The following PHACTR1 variants were observed in gnomAD, a reference collection of about 807,000 sequenced individuals.
PHACTR1 encodes phosphatase and actin regulator 1.
In PHACTR1, 16 loss-of-function variants were observed where a neutral mutation model predicts 69.2. The ratio of observed to expected loss-of-function variants is 0.23; its 90% CI spans 0.16 to 0.35. PHACTR1 has a LOEUF of 0.35. Ranked by LOEUF, PHACTR1 falls within the 10% of genes least tolerant of loss-of-function variation. The probability of loss-of-function intolerance (pLI) is 1.00; values close to 1 mark genes in which losing one functional copy is unlikely to be tolerated. For missense variants in PHACTR1, 510 were observed against 734.7 expected (o/e 0.69, Z 3.54); for synonymous variants, 312 against 284.5 (o/e 1.10, Z -0.97).
intron 4 of PHACTR1, among the ~76,000 whole-genome samples, chr6:12,785,750 G>T (rs2127652102): frequency 6.6e-6 from 1 of 152,226 alleles, no homozygotes; most frequent in South Asian, 2.1e-4. Context: ...TTTTTGCTTT[G>T]CTAATATGGC....
Position 12,923,511 on chromosome 6 carries a change from G to A in PHACTR1, c.251-129854G>A, listed in dbSNP as rs149367376. The stretch of plus-strand genomic sequence containing the variant: ...CTGCAGCATGATCCAAAAGAGAATC[G>A]CATTTGCTAAATTTTTTGAGAACCC... On this transcript the variant is annotated intron_variant, in intron 4 of 14. Coordinates refer to ENST00000332995, the MANE Select transcript of PHACTR1 (RefSeq NM_030948.6). Among the ~76,000 whole-genome samples the A allele has an allele frequency of 6.4e-4, 98 of 152,212 alleles. No individual in the cohort carries two copies. In the South Asian group the frequency reaches 0.01, roughly 16 times the overall value.
chr6:13,045,830 C>T (rs1044063118), intron 4 of PHACTR1, among the ~76,000 whole-genome samples: 5 of 152,176 alleles, frequency 3.3e-5, no homozygotes, highest in African/African-American at 9.7e-5. Context: ...AACTTGCCTC[C>T]GGCAGTGGGG....
chr6:13,147,766 CAG>C (rs1430774869), intron 5 of PHACTR1, among the ~76,000 whole-genome samples: 2 of 152,110 alleles, frequency 1.3e-5, no homozygotes, highest in Non-Finnish European at 2.9e-5. Context: ...TACAAAGAAG[CAG>C]AGTTAGTAAC....
chr6:13,218,525 C>A (rs1768023645), intron 8 of PHACTR1, among the ~76,000 whole-genome samples: 1 of 152,054 alleles, frequency 6.6e-6, no homozygotes, highest in African/African-American at 2.4e-5. Flanking sequence ...TCTAGAGATC[C>A]CTTAAAAATA....
intron 4 of PHACTR1, among the ~76,000 whole-genome samples, chr6:12,833,874 A>T (rs541359139): frequency 1.3e-5 from 2 of 152,132 alleles, no homozygotes; most frequent in African/African-American, 4.8e-5. Context: ...TCCTGCCCGT[A>T]CTTACCATGC....
At chr6:12,856,590 A>G (rs1340418536) in intron 4 of PHACTR1, among the ~76,000 whole-genome samples, 1 of 152,216 alleles carries the variant, frequency 6.6e-6, no homozygotes, top group Non-Finnish European at 1.5e-5. Context: ...CTGAAAAATA[A>G]TTGCAGGACC....
intron 4 of PHACTR1, among the ~76,000 whole-genome samples, chr6:12,793,985 G>T (rs531081598): frequency 6.6e-6 from 1 of 152,276 alleles, no homozygotes; most frequent in South Asian, 2.1e-4. Context: ...GAGCTATAAA[G>T]AGAAATAAAA....
chr6:13,156,995 A>T (rs2113506708), intron 5 of PHACTR1, among the ~76,000 whole-genome samples: 1 of 152,180 alleles, frequency 6.6e-6, no homozygotes, highest in Admixed American at 6.5e-5. Context: ...CTCTATATTA[A>T]AGTGAATGTT....
chr6:12,959,886 G>A (rs976930895), intron 4 of PHACTR1, among the ~76,000 whole-genome samples: 4 of 152,184 alleles, frequency 2.6e-5, no homozygotes, highest in African/African-American at 9.7e-5. Flanking sequence ...TCTTACAGAG[G>A]ACTTTTATGT....
At chr6:12,842,486 T>G (rs1258985818) in intron 4 of PHACTR1, among the ~76,000 whole-genome samples, 3 of 152,264 alleles carry the variant, frequency 2.0e-5, no homozygotes, top group African/African-American at 7.2e-5. Context: ...TGAAATTATT[T>G]CAAATAGTAA....
rs376983824 is a variant in PHACTR1, at chr6:13,066,853, T to C, written c.415+13324T>C. ...GGGCCCCTAAAAGCACAAAATAAGA[T>C]GCTTCCATGCCTTTTAAAGGCTTAG... On this transcript the variant is annotated intron_variant, in intron 5 of 14. Transcript: ENST00000332995. Among the ~76,000 whole-genome samples the C allele has an allele frequency of 3.3e-5, 5 of 152,314 alleles. No individual in the cohort carries two copies. The East Asian group carries it at 9.6e-4, about 29-fold the overall frequency.
intron 7 of PHACTR1, among the ~76,000 whole-genome samples, chr6:13,195,782 T>TAAAAAAAAAAA (rs1764318552): frequency 2.5e-5 from 1 of 39,744 alleles, no homozygotes. Flanking sequence ...AAAAAAAAAG[T>TAAAAAAAAAAA]TCATTTGTGG....
At chr6:12,959,896 T>G (rs773931524) in intron 4 of PHACTR1, among the ~76,000 whole-genome samples, 2 of 152,242 alleles carry the variant, frequency 1.3e-5, no homozygotes, top group Non-Finnish European at 2.9e-5. Context: ...GACTTTTATG[T>G]TGCTTTCAGT....
At chr6:13,202,254 C>T (rs984295062) in intron 7 of PHACTR1, among the ~76,000 whole-genome samples, 5 of 152,172 alleles carry the variant, frequency 3.3e-5, no homozygotes, top group African/African-American at 9.7e-5. Flanking sequence ...TGGAATGTTA[C>T]GAGAAGCTAT....
rs144577147 is a variant in PHACTR1, at chr6:12,840,160, C to T, written c.250+90370C>T. The stretch of plus-strand genomic sequence containing the variant: ...TTTTTCATCCCCCTCCACCCCACAG[C>T]GAGTCCTTTGTAGGGACTGACTGAT... On this transcript the variant is annotated intron_variant, in intron 4 of 14. Transcript: ENST00000332995. 1.6e-3 allele frequency among the ~76,000 whole-genome samples: 240 copies of T among 152,250 alleles called. 1 individual carries two copies. The highest frequency in any genetic ancestry group is 5.2e-3 in the African/African-American group (214 of 41,536).
intron 10 of PHACTR1, among the ~76,000 whole-genome samples, chr6:13,252,248 T>C (rs1736501): frequency 0.075 from 10,468 of 139,136 alleles, 662 homozygotes; most frequent in Admixed American, 0.22. Flanking sequence ...ATTAGCCAGG[T>C]GCCTGGGAGT....
intron 11 of PHACTR1, chr6:13,273,834 A>G (rs1191614365): frequency 1.3e-5 from 2 of 152,204 alleles, no homozygotes; most frequent in East Asian, 3.9e-4. Flanking sequence ...TCCAGAAGAG[A>G]AAGATATATA....
At chr6:13,229,112 CCT>C (rs908690778) in intron 9 of PHACTR1, among the ~76,000 whole-genome samples, 5 of 152,162 alleles carry the variant, frequency 3.3e-5, no homozygotes, top group Non-Finnish European at 7.4e-5. Flanking sequence ...CTGCTCAGCC[CCT>C]GTTTGCTGTT....
At chr6:12,861,882 A>G (rs750072830) in intron 4 of PHACTR1, among the ~76,000 whole-genome samples, 2 of 152,186 alleles carry the variant, frequency 1.3e-5, no homozygotes, top group African/African-American at 4.8e-5. Context: ...ATACACAAAA[A>G]CACACATATA....
Sources: allele counts gnomAD v4.1 joint callset (sites outside exome capture counted in the v4.1 genomes callset), GRCh38; gene constraint gnomAD v4.1.1; transcripts MANE v1.5; gene names NCBI Gene and HGNC (gene_info 2026-07-23, HGNC 2026-07-21).